Variants in MMRN1 observed in about 807,000 individuals in gnomAD.
MMRN1 encodes the protein multimerin 1, also known as multimerin-1.
A neutral mutation model predicts 100.7 loss-of-function variants in MMRN1; 94 were observed. That is an observed-to-expected ratio of 0.93 (90% CI 0.79 to 1.11). The LOEUF is 1.11. Ranked by LOEUF, MMRN1 falls within the 50% of genes least tolerant of loss-of-function variation. MMRN1 has a pLI of 0.00. For missense variants in MMRN1, 1,606 were observed against 1,439.1 expected, an observed-to-expected ratio of 1.12 and a Z score of -1.88; for synonymous variants, 575 against 505.0, an observed-to-expected ratio of 1.14 and a Z score of -1.86.
intron 3 of MMRN1, among the ~76,000 whole-genome samples, chr4:89,922,004 C>G (rs960131949): frequency 5.9e-5 from 9 of 152,100 alleles, no homozygotes; most frequent in Non-Finnish European, 2.9e-5. Flanking sequence ...GTCATGCAGA[C>G]TTTAATGGAT....
intron 1 of MMRN1, among the ~76,000 whole-genome samples, chr4:89,908,713 T>C (rs1338610873): frequency 2.6e-5 from 4 of 151,524 alleles, no homozygotes; most frequent in Non-Finnish European, 5.9e-5. Context: ...TTAATATAAA[T>C]TAGTATTGTA....
At position 89,951,604 on chromosome 4, in the gene MMRN1, GAGGA is replaced by G. The variant is rs1314243973; in HGVS notation, c.3119_3122del (p.Glu1040GlyfsTer17). 85 of 1,485,042 alleles carry G rather than the reference GAGGA, an allele frequency of 5.7e-5. No homozygotes were observed. The highest frequency in any genetic ancestry group is 7.2e-5 in the Non-Finnish European group (81 of 1,119,556). 92.0% of individuals were successfully genotyped at this position (1,485,042 alleles called of 1,614,324 possible). ...TTACCTTGATTCTTTTTCCGTAACA[GAGGA>G]GTATTCAAGCTGTAGTCGGCATCCG... On this transcript the variant is annotated frameshift_variant and splice_region_variant, in exon 7 of 8. Transcript: ENST00000264790. LOFTEE classifies it high-confidence loss of function.
chr4:89,946,499 A>G (rs930709854), intron 6 of MMRN1, among the ~76,000 whole-genome samples: 2 of 152,230 alleles, frequency 1.3e-5, no homozygotes, highest in African/African-American at 4.8e-5. Context: ...AAATAAATGT[A>G]AGAATACAGT....
intron 3 of MMRN1, among the ~76,000 whole-genome samples, chr4:89,918,102 ATTGGCCT>A (rs1356381238): frequency 6.6e-6 from 1 of 151,214 alleles, no homozygotes; most frequent in Non-Finnish European, 1.5e-5. Context: ...TTCTTACATA[ATTGGCCT>A]TTTACTAATT....
intron 7 of MMRN1, 131 bp downstream of exon 7, chr4:89,951,882 G>A (rs1578509173): frequency 3.9e-6 from 4 of 1,016,760 alleles, no homozygotes; most frequent in African/African-American, 3.4e-5. Context: ...TTACTTTTTC[G>A]AAACTTACTG....
At chr4:89,951,526 T>C (rs547998876) in intron 6 of MMRN1, 79 bp from the exon 7 acceptor site, 1 of 1,379,658 alleles carries the variant, frequency 7.2e-7, no homozygotes, top group South Asian at 1.8e-5. Flanking sequence ...TTTCCTATTC[T>C]GCTGCAAACT....
chr4:89,901,406 T>G (rs1721383586), intron 1 of MMRN1, among the ~76,000 whole-genome samples: 1 of 151,546 alleles, frequency 6.6e-6, no homozygotes, highest in South Asian at 2.1e-4. Context: ...AATTAGAAAA[T>G]TATTCTGAGT....
At chr4:89,902,386 T>C (rs938915385) in intron 1 of MMRN1, among the ~76,000 whole-genome samples, 1 of 151,962 alleles carries the variant, frequency 6.6e-6, no homozygotes, top group African/African-American at 2.4e-5. Context: ...GAAAAGGTTA[T>C]ATTAAAGGTT....
intron 6 of MMRN1, among the ~76,000 whole-genome samples, chr4:89,946,878 G>T (rs930657489): frequency 1.3e-5 from 2 of 152,032 alleles, no homozygotes; most frequent in Non-Finnish European, 2.9e-5. Flanking sequence ...ATGTTGACTT[G>T]GAAGAACTAT....
At chr4:89,939,429 G>A (rs973080422) in intron 6 of MMRN1, among the ~76,000 whole-genome samples, 8 of 152,194 alleles carry the variant, frequency 5.3e-5, no homozygotes, top group Admixed American at 6.6e-5. Flanking sequence ...TATGAATACC[G>A]TAATAATACG....
chr4:89,895,380 T>C lies in MMRN1; in HGVS notation c.409T>C (p.Ser137Pro), dbSNP rs371738397. ...PGAESVVLSN[S>P]TLKFLQSFAR... The stretch of plus-strand genomic sequence containing the variant: ...AGCAGAATCAGTGGTCCTTTCCAAT[T>C]CTACACTGAAATTTCTTCAGAGCTT... The change falls in exon 1 of 8, where the codon TCT (serine) becomes CCT (proline). Residue 137 changes from serine to proline, a missense_variant. Coordinates refer to ENST00000264790, the MANE Select transcript of MMRN1 (RefSeq NM_007351.3). The C allele has an allele frequency of 9.5e-5, 153 of 1,613,802 alleles. No homozygotes were observed. Among genetic ancestry groups the C allele is most frequent in the Middle Eastern group, 3.3e-4 (2 of 6,080 alleles).
chr4:89,935,234 G>A lies in MMRN1; in HGVS notation c.1554G>A (p.Glu518=), dbSNP rs755335757. ...TTTCTAAATTGAAGGAAGTACATGA[G>A]CAGCTTTTATCAACTGAACAGGTAT... ...KTLSKLKEVH[E]QLLSTEQVSD... Residue 518 remains glutamate, a synonymous_variant, in exon 6 of 8, where the codon GAG becomes GAA. Coordinates refer to ENST00000264790, the MANE Select transcript of MMRN1 (RefSeq NM_007351.3). 7 of 1,613,476 alleles carry A rather than the reference G, an allele frequency of 4.3e-6. No homozygotes were observed. Among genetic ancestry groups the A allele is most frequent in the South Asian group, 2.2e-5 (2 of 91,002 alleles).
chr4:89,936,280 CTAAAGT>C lies in MMRN1; in HGVS notation c.2603_2608del (p.Lys868_Val869del), dbSNP rs776480097. ...GAGACTCGGTTGCAAGACATTGAGT[CTAAAGT>C]TACCCAGACGCTCATACCTTATTAT... is the stretch of plus-strand genomic sequence containing the variant. On this transcript the variant is annotated inframe_deletion, in exon 6 of 8. Transcript: ENST00000264790. The C allele has an allele frequency of 6.2e-7, 1 of 1,610,466 alleles. No homozygotes were observed. The highest frequency in any genetic ancestry group is 8.5e-7 in the Non-Finnish European group (1 of 1,179,018).
Position 89,935,131 on chromosome 4 carries a change from A to G in MMRN1, c.1451A>G (p.Lys484Arg), listed in dbSNP as rs1446154479. ...CEKPIKELEV[K>R]QTHLEGALEQ... ...AAGCCTATTAAAGAACTAGAAGTAA[A>G]GCAGACTCATTTAGAAGGTGCTCTA... The change falls in exon 6 of 8, where the codon AAG becomes AGG. Residue 484 changes from lysine to arginine, a missense_variant. Coordinates refer to ENST00000264790, the MANE Select transcript of MMRN1 (RefSeq NM_007351.3). 1 of 1,613,706 alleles carries G rather than the reference A, an allele frequency of 6.2e-7. No homozygotes were observed. The highest frequency in any genetic ancestry group is 8.5e-7 in the Non-Finnish European group (1 of 1,179,772).
rs915813624 is a variant in MMRN1, at chr4:89,898,080, T to C, written c.623+2486T>C. Among the ~76,000 whole-genome samples, 3 of 152,144 alleles carry C rather than the reference T, an allele frequency of 2.0e-5. No homozygotes were observed. In the South Asian group the frequency reaches 6.2e-4, roughly 31 times the overall value. On this transcript the variant is annotated intron_variant, in intron 1 of 7. Coordinates refer to ENST00000264790, the MANE Select transcript of MMRN1 (RefSeq NM_007351.3). Reference sequence around the variant, plus strand: ...CCAAGATTCCTTACTCATTAGGCCATGCAAATGACAATGGCATTAGAGAAA... The same window carrying C: ...CCAAGATTCCTTACTCATTAGGCCACGCAAATGACAATGGCATTAGAGAAA...
chr4:89,926,104 T>C (rs1173589561), intron 4 of MMRN1, among the ~76,000 whole-genome samples: 1 of 152,202 alleles, frequency 6.6e-6, no homozygotes. Flanking sequence ...TGCAGATACT[T>C]CTTGGATATA....
Position 89,935,172 on chromosome 4 carries a change from A to G in MMRN1, c.1492A>G (p.Arg498Gly), listed in dbSNP as rs933986479. ...AGGTGCTCTAGAACAGGAACACTCA[A>G]GAAGCATTCTGTATTATGAATCCCT... The part of the protein sequence containing the change: ...LEGALEQEHS[R>G]SILYYESLNK... The change falls in exon 6 of 8, where the codon AGA becomes GGA. Residue 498 changes from arginine (R) to glycine (G), a missense_variant. Arg to Gly is a moderately radical substitution (Grantham distance 125). Coordinates refer to ENST00000264790, the MANE Select transcript of MMRN1 (RefSeq NM_007351.3). 4 of 1,613,338 alleles carry G rather than the reference A, an allele frequency of 2.5e-6. No individual in the cohort carries two copies. The African/African-American group carries it at 5.3e-5, about 22-fold the overall frequency.
In MMRN1 at chr4:89,936,128, T is replaced by A; in HGVS notation, c.2448T>A (p.Asn816Lys). 1.2e-6 allele frequency: 2 copies of A among 1,612,600 alleles called. No homozygotes were observed. Among genetic ancestry groups the A allele is most frequent in the African/African-American group, 2.7e-5 (2 of 74,998 alleles). The change falls in exon 6 of 8, where the codon AAT becomes AAA. Residue 816 changes from asparagine (N) to lysine (K), a missense_variant. Transcript: ENST00000264790. Reference sequence around the variant, plus strand: ...GTATTCCCAGAGATGAGAAACTAAATCAGTCCAACTTCCAAAAGATGTATC... The same window carrying A: ...GTATTCCCAGAGATGAGAAACTAAAACAGTCCAACTTCCAAAAGATGTATC... Reference protein sequence around the residue: ...LAGIPRDEKLNQSNFQKMYQM... With the variant: ...LAGIPRDEKLKQSNFQKMYQM...
rs770241833 is a variant in MMRN1 at position 89,909,296 on chromosome 4, A to G, written c.644A>G (p.His215Arg). Residue 215 changes from histidine to arginine, a missense_variant, in exon 2 of 8, where the codon CAT (histidine) becomes CGT (arginine). Transcript: ENST00000264790. ...TRGKNWCAYV[H>R]TRLSPTVILD... is the part of the protein sequence containing the mutation. The stretch of plus-strand genomic sequence containing the variant: ...TTTAGGAATTGGTGTGCTTATGTAC[A>G]TACCAGGTTATCTCCCACAGTGATA... 3 of 1,609,680 alleles carry G rather than the reference A, an allele frequency of 1.9e-6. No individual in the cohort carries two copies. Among genetic ancestry groups the G allele is most frequent in the Non-Finnish European group, 2.5e-6 (3 of 1,177,182 alleles).
Sources: gnomAD v4.1 joint callset for allele counts (sites outside exome capture counted in the v4.1 genomes callset) on GRCh38, gnomAD v4.1.1 for gene constraint, MANE v1.5 for transcripts, NCBI Gene and HGNC (gene_info 2026-07-23, HGNC 2026-07-21) for gene names.